Variants in G3BP1 observed in about 807,000 individuals in gnomAD.
G3BP1 encodes G3BP stress granule assembly factor 1, also known as ras GTPase-activating protein-binding protein 1.
In G3BP1, 35 loss-of-function variants were observed where a neutral mutation model predicts 58.6. The observed-to-expected ratio is 0.60, with a 90% CI of 0.46 to 0.79. The LOEUF is 0.79. G3BP1 is among the 30% of genes least tolerant of loss of function. The pLI is 0.00. For synonymous variants in G3BP1, 191 were observed against 195.4 expected (o/e 0.98, Z 0.19); for missense variants, 523 against 580.8 (o/e 0.90, Z 1.02).
chr5:151,798,272 C>T (rs115280136), intron 7 of G3BP1, among the ~76,000 whole-genome samples: 2 of 151,984 alleles, frequency 1.3e-5, no homozygotes, highest in African/African-American at 4.8e-5. Context: ...ATGGCTTAGC[C>T]TGGGAAGTCA....
At chr5:151,791,155 C>A in intron 4 of G3BP1, 93 bp downstream of exon 4, 1 of 1,085,466 alleles carries the variant, frequency 9.2e-7, no homozygotes, top group Non-Finnish European at 1.4e-6. Context: ...CTTGAAATTT[C>A]AGACTTACAG....
chr5:151,791,397 A>AT (rs1201755424), intron 4 of G3BP1: 2 of 178,406 alleles, frequency 1.1e-5, no homozygotes, highest in African/African-American at 2.4e-5. Flanking sequence ...CTTAACAGTA[A>AT]TTTTTTTTCC....
rs553894843 is a variant in G3BP1 at position 151,790,859 on chromosome 5, G to GATT, written c.178-11_178-9dup. On this transcript the variant is annotated intron_variant, in intron 3 of 11. Coordinates refer to ENST00000356245, the MANE Select transcript of G3BP1 (RefSeq NM_005754.3). ...TTTAAATTTTAAGGCATTCTCAGTT[G>GATT]ATTATTATTATTATTATTATTTTTT... 2.1e-3 allele frequency: 2,783 copies of GATT among 1,298,428 alleles called. 35 individuals carry two copies. In the African/African-American group the frequency reaches 0.032, roughly 15 times the overall value. 80.4% of individuals were successfully genotyped at this position (1,298,428 alleles called of 1,614,324 possible). A position where few individuals can be genotyped will look rare whatever the true frequency, so the allele number is the denominator to read the frequency against.
At position 151,799,950 on chromosome 5, in the gene G3BP1, G is replaced by C. The variant is rs774841408; in HGVS notation, c.905G>C (p.Arg302Thr). 6 of 1,613,676 alleles carry C rather than the reference G, an allele frequency of 3.7e-6. No homozygotes were observed. The highest frequency in any genetic ancestry group is 5.1e-6 in the Non-Finnish European group (6 of 1,179,560). Residue 302 changes from arginine (R) to threonine (T), a missense_variant, in exon 9 of 12, where the codon AGA becomes ACA. Arg to Thr is a moderately conservative substitution (Grantham distance 71). Around this residue, in one of 2 missense-constraint regions of G3BP1, gnomAD observed 398 missense variants for 399.1 expected, o/e 1.00. Coordinates refer to ENST00000356245, the MANE Select transcript of G3BP1 (RefSeq NM_005754.3). ...CCACAAAGACCTCAGCGGGATCAAA[G>C]AGTGCGAGAACAACGAATAAATATT... Reference protein sequence around the residue: ...IPPQRPQRDQRVREQRINIPP... With the variant: ...IPPQRPQRDQTVREQRINIPP...
At chr5:151,792,727 C>T (rs1209137208) in intron 4 of G3BP1, among the ~76,000 whole-genome samples, 1 of 152,078 alleles carries the variant, frequency 6.6e-6, no homozygotes, top group Non-Finnish European at 1.5e-5. Flanking sequence ...CCTGAGCCTC[C>T]TAAGTAGCTG....
chr5:151,802,806 G>A (rs570441306), intron 11 of G3BP1, among the ~76,000 whole-genome samples: 10 of 152,270 alleles, frequency 6.6e-5, no homozygotes, highest in East Asian at 3.9e-4. Context: ...GGTGGCGGAC[G>A]CCTGTAGTCC....
chr5:151,787,908 T>C (rs540686318), intron 2 of G3BP1: 13 of 179,004 alleles, frequency 7.3e-5, no homozygotes, highest in African/African-American at 2.9e-4. Flanking sequence ...TGTGTGTGTG[T>C]GTGTGCATGT....
intron 1 of G3BP1, among the ~76,000 whole-genome samples, chr5:151,772,856 A>G (rs1394543010): frequency 6.6e-6 from 1 of 152,236 alleles, no homozygotes; most frequent in Non-Finnish European, 1.5e-5. Flanking sequence ...ATCAGCCTCA[A>G]AAGGCCACCT....
intron 1 of G3BP1, among the ~76,000 whole-genome samples, chr5:151,775,752 A>T (rs1048062016): frequency 6.6e-6 from 1 of 152,204 alleles, no homozygotes; most frequent in Non-Finnish European, 1.5e-5. Context: ...AAGAACAAAG[A>T]TTTTTTTAAA....
rs1762772317 is a variant in G3BP1, at chr5:151,797,363, G to A, written c.676G>A (p.Asp226Asn). The change falls in exon 7 of 12, where the codon GAT (aspartate) becomes AAT (asparagine). Residue 226 changes from aspartate (D) to asparagine (N), a missense_variant. By Grantham distance (23) the Asp-to-Asn change is conservative. Around this residue, in one of 2 missense-constraint regions of G3BP1, gnomAD observed 398 missense variants for 399.1 expected, o/e 1.00. Coordinates refer to ENST00000356245, the MANE Select transcript of G3BP1 (RefSeq NM_005754.3). ...EPVLEETAPE[D>N]AQKSSSPAPA... The stretch of plus-strand genomic sequence containing the variant: ...AGTATTAGAAGAAACTGCCCCTGAG[G>A]ATGCTCAGAAGAGTTCTTCTCCAGC... The A allele has an allele frequency of 1.9e-6, 3 of 1,614,058 alleles. No individual in the cohort carries two copies. Among genetic ancestry groups the A allele is most frequent in the Non-Finnish European group, 2.5e-6 (3 of 1,179,946 alleles).
intron 5 of G3BP1, 115 bp from the exon 6 acceptor site, chr5:151,795,361 CCTA>C (rs1200687430): frequency 2.9e-5 from 18 of 626,216 alleles, no homozygotes; most frequent in Non-Finnish European, 5.1e-5. Context: ...ACCAAATTGT[CCTA>C]CTTTGTTTAT....
chr5:151,798,287 T>TTA (rs1295180003), intron 7 of G3BP1, among the ~76,000 whole-genome samples: 2 of 152,098 alleles, frequency 1.3e-5, no homozygotes, highest in Non-Finnish European at 2.9e-5. Context: ...AAGTCAAGGC[T>TTA]GCAGTGAGCT....
chr5:151,811,580 CAT>C lies in G3BP1; in HGVS notation c.*7490_*7491del, dbSNP rs1561540604. On this transcript the variant is annotated 3_prime_UTR_variant, in exon 12 of 12. Transcript: ENST00000356245. Reference sequence around the variant, plus strand: ...GGTTCAATAAATATACTTTTATATACATGTTTCACAGAAATTTTACATTCCAT... The same window carrying C: ...GGTTCAATAAATATACTTTTATATACGTTTCACAGAAATTTTACATTCCAT... 1 of 151,758 alleles carries C rather than the reference CAT, an allele frequency of 6.6e-6. No individual in the cohort carries two copies. Among genetic ancestry groups the C allele is most frequent in the Non-Finnish European group, 1.5e-5 (1 of 68,000 alleles). The allele number at this position is 151,758 out of a possible 1,614,324, so 9.4% of individuals were successfully genotyped here. A position where few individuals can be genotyped will look rare whatever the true frequency, so the allele number is the denominator to read the frequency against.
intron 1 of G3BP1, among the ~76,000 whole-genome samples, chr5:151,776,087 A>T (rs528149842): frequency 6.6e-6 from 1 of 152,224 alleles, no homozygotes; most frequent in Non-Finnish European, 1.5e-5. Flanking sequence ...CCAAGATGCC[A>T]CATTGTATGT....
intron 2 of G3BP1, among the ~76,000 whole-genome samples, chr5:151,790,108 A>G (rs562577522): frequency 6.9e-6 from 1 of 144,270 alleles, no homozygotes; most frequent in East Asian, 2.0e-4. Flanking sequence ...GGTCAGCAAG[A>G]GCAAAAAAAA....
At chr5:151,776,854 ACT>A (rs1442681355) in intron 1 of G3BP1, among the ~76,000 whole-genome samples, 2 of 149,362 alleles carry the variant, frequency 1.3e-5, no homozygotes, top group African/African-American at 4.9e-5. Flanking sequence ...GGTGTGAGCC[ACT>A]GTGCTGGCCA....
chr5:151,786,845 C>T, intron 2 of G3BP1, 130 bp downstream of exon 2: 1 of 628,340 alleles, frequency 1.6e-6, no homozygotes, highest in Non-Finnish European at 2.8e-6. Flanking sequence ...TATAAATATC[C>T]CCCAATTTTT....
At chr5:151,793,154 G>A (rs1044762369) in intron 4 of G3BP1, among the ~76,000 whole-genome samples, 1 of 152,056 alleles carries the variant, frequency 6.6e-6, no homozygotes. Context: ...TGTCGCCCAG[G>A]CTGGAGTGCA....
At chr5:151,773,177 T>C (rs541230783) in intron 1 of G3BP1, among the ~76,000 whole-genome samples, 2 of 152,292 alleles carry the variant, frequency 1.3e-5, no homozygotes, top group East Asian at 3.9e-4. Context: ...CTACTTTTTT[T>C]TTAATTGGAG....
Sources: gnomAD v4.1 joint callset for allele counts (sites outside exome capture counted in the v4.1 genomes callset) on GRCh38, gnomAD v4.1.1 for gene constraint, gnomAD v4.1.1 regional missense constraint, MANE v1.5 for transcripts, NCBI Gene and HGNC (gene_info 2026-07-23, HGNC 2026-07-21) for gene names.